Variants in DTNA observed in about 807,000 individuals in gnomAD.
DTNA encodes dystrophin-related protein 3.
Under a neutral mutation model 100.7 loss-of-function variants are expected in DTNA, and 43 were observed. That is an observed-to-expected ratio of 0.43 (90% CI 0.33 to 0.55). DTNA has a LOEUF of 0.55. Among genes scored for constraint, DTNA ranks in the 20% least tolerant of loss-of-function variants. The pLI, the probability that DTNA is intolerant of heterozygous loss-of-function variation, is 0.04. For synonymous variants in DTNA, 349 were observed against 347.9 expected, an observed-to-expected ratio of 1.00 and a Z score of -0.04; for missense variants, 798 against 953.9, an observed-to-expected ratio of 0.84 and a Z score of 2.15.
intron 6 of DTNA, among the ~76,000 whole-genome samples, chr18:34,814,434 C>T (rs2095552035): frequency 6.6e-6 from 1 of 151,848 alleles, no homozygotes; most frequent in African/African-American, 2.4e-5. Flanking sequence ...ACACAGTAAT[C>T]CTAGCACTGA....
intron 18 of DTNA, among the ~76,000 whole-genome samples, chr18:34,875,631 T>C (rs1603336893): frequency 6.6e-6 from 1 of 152,206 alleles, no homozygotes; most frequent in Admixed American, 6.5e-5. Context: ...TTTTAGTAAG[T>C]CTTTGTTCAT....
intron 3 of DTNA, among the ~76,000 whole-genome samples, chr18:34,793,587 C>T (rs1450647376): frequency 1.3e-5 from 2 of 152,152 alleles, no homozygotes; most frequent in African/African-American, 4.8e-5. Flanking sequence ...TTTGGACATC[C>T]TTTCAAACAC....
At chr18:34,501,924 C>G (rs781497900) in intron 1 of DTNA, among the ~76,000 whole-genome samples, 4 of 152,142 alleles carry the variant, frequency 2.6e-5, no homozygotes, top group Non-Finnish European at 4.4e-5. Flanking sequence ...GGATTAGGCC[C>G]TAAACACACC....
chr18:34,751,103 C>A (rs1050752753), intron 1 of DTNA, among the ~76,000 whole-genome samples: 4 of 152,198 alleles, frequency 2.6e-5, no homozygotes, highest in Non-Finnish European at 4.4e-5. Context: ...TTGGTGACTT[C>A]ACCTCCTACA....
intron 1 of DTNA, among the ~76,000 whole-genome samples, chr18:34,697,468 C>T (rs148181031): frequency 3.5e-4 from 53 of 152,306 alleles, no homozygotes; most frequent in African/African-American, 1.2e-3. Flanking sequence ...GATAGTTAAT[C>T]ATGGCCTATG....
intron 1 of DTNA, among the ~76,000 whole-genome samples, chr18:34,666,340 G>A (rs1355478362): frequency 6.6e-6 from 1 of 151,806 alleles, no homozygotes; most frequent in Non-Finnish European, 1.5e-5. Flanking sequence ...CAGATGAGTA[G>A]ATTGCAAAAA....
Position 34,887,814 on chromosome 18 carries a change from GATGGAGAGCCCTGTGGCCAC to G in DTNA, c.*82_*101del. ...TGAAAGTAACATGAAAACTGGTGAT[GATGGAGAGCCCTGTGGCCAC>G]ACAGAGGAGGAAGACAGCAGCCTGG... On this transcript the variant is annotated 3_prime_UTR_variant, in exon 23 of 23. Transcript: ENST00000444659. 2 of 985,884 alleles carry G rather than the reference GATGGAGAGCCCTGTGGCCAC, an allele frequency of 2.0e-6. No homozygotes were observed. The highest frequency in any genetic ancestry group is 2.4e-6 in the Non-Finnish European group (2 of 829,976). 61.1% of individuals were successfully genotyped at this position (985,884 alleles called of 1,614,324 possible).
At chr18:34,762,387 A>G (rs980224782) in intron 2 of DTNA, among the ~76,000 whole-genome samples, 5 of 152,172 alleles carry the variant, frequency 3.3e-5, no homozygotes, top group African/African-American at 1.2e-4. Context: ...TAATGGGTCT[A>G]TCAACTTGGA....
intron 16 of DTNA, among the ~76,000 whole-genome samples, chr18:34,861,485 CAAAAAAAAAAAAA>C (rs11329850): frequency 1.3e-4 from 10 of 77,938 alleles, no homozygotes; most frequent in South Asian, 6.0e-4. Context: ...GACTCCGTCT[CAAAAAAAAAAAAA>C]AAAAAAAAAA....
chr18:34,818,122 A>G (rs777962043), intron 7 of DTNA, 42 bp from the exon 8 acceptor site: 2 of 1,613,464 alleles, frequency 1.2e-6, no homozygotes, highest in Non-Finnish European at 8.5e-7. Context: ...TCTGGTTCAT[A>G]CTTTTGTTTT....
chr18:34,883,040 T>C (rs1335625851), intron 21 of DTNA, among the ~76,000 whole-genome samples: 2 of 152,174 alleles, frequency 1.3e-5, no homozygotes, highest in Non-Finnish European at 2.9e-5. Flanking sequence ...CACCTGAAAA[T>C]TCACTGAACA....
chr18:34,686,792 G>C (rs2078970246), intron 1 of DTNA, among the ~76,000 whole-genome samples: 1 of 151,858 alleles, frequency 6.6e-6, no homozygotes, highest in African/African-American at 2.4e-5. Context: ...TGGTGGTGGT[G>C]GTAGACTATT....
At chr18:34,847,892 T>A (rs961998864) in intron 13 of DTNA, among the ~76,000 whole-genome samples, 4 of 152,230 alleles carry the variant, frequency 2.6e-5, no homozygotes, top group Non-Finnish European at 4.4e-5. Context: ...CACTGGACAT[T>A]GACCACAATG....
intron 1 of DTNA, among the ~76,000 whole-genome samples, chr18:34,563,377 A>T (rs2046809313): frequency 6.6e-6 from 1 of 152,174 alleles, no homozygotes. Context: ...GAAGGAACCA[A>T]CCCTGCTGAC....
chr18:34,790,567 A>ATATT (rs2094687460), intron 3 of DTNA, among the ~76,000 whole-genome samples: 4 of 39,654 alleles, frequency 1.0e-4, no homozygotes, highest in South Asian at 1.4e-3. Flanking sequence ...ATATATATAT[A>ATATT]TTTTTTTTTT....
chr18:34,537,190 TG>T (rs955220897), intron 1 of DTNA, among the ~76,000 whole-genome samples: 2 of 152,016 alleles, frequency 1.3e-5, no homozygotes, highest in African/African-American at 4.8e-5. Flanking sequence ...CTTCAGCTAA[TG>T]GGGGCTTAGA....
intron 4 of DTNA, among the ~76,000 whole-genome samples, chr18:34,799,822 G>A (rs2095137464): frequency 6.6e-6 from 1 of 152,176 alleles, no homozygotes; most frequent in Non-Finnish European, 1.5e-5. Flanking sequence ...TTTCAAGAGA[G>A]ATGAGGAATT....
intron 10 of DTNA, among the ~76,000 whole-genome samples, chr18:34,828,285 G>A (rs924068103): frequency 2.6e-5 from 4 of 152,186 alleles, no homozygotes; most frequent in African/African-American, 9.6e-5. Flanking sequence ...CTAAGAGTTA[G>A]CATCAGACAT....
intron 1 of DTNA, among the ~76,000 whole-genome samples, chr18:34,612,949 C>A (rs1214566357): frequency 6.6e-6 from 1 of 152,246 alleles, no homozygotes; most frequent in African/African-American, 2.4e-5. Context: ...CATTTTATTG[C>A]AGGTCACTTT....
Sources: allele counts gnomAD v4.1 joint callset (sites outside exome capture counted in the v4.1 genomes callset), GRCh38; gene constraint gnomAD v4.1.1; transcripts MANE v1.5; gene names NCBI Gene and HGNC (gene_info 2026-07-23, HGNC 2026-07-21).